DENND6A: variants seen among roughly 807,000 people sequenced by gnomAD.
DENND6A encodes the protein protein DENND6A.
In DENND6A, 43 loss-of-function variants were observed where a neutral mutation model predicts 95.5. The observed-to-expected ratio is 0.45, with a 90% CI of 0.35 to 0.58. The LOEUF is 0.58. DENND6A is among the 20% of genes least tolerant of loss of function. The probability of loss-of-function intolerance (pLI) is 0.00; values close to 1 mark genes in which losing one functional copy is unlikely to be tolerated. For synonymous variants in DENND6A, 257 were observed against 260.4 expected (o/e 0.99, Z 0.13); for missense variants, 574 against 736.0 (o/e 0.78, Z 2.55).
intron 1 of DENND6A, among the ~76,000 whole-genome samples, chr3:57,674,536 C>T (rs1426050717): frequency 6.6e-6 from 1 of 151,742 alleles, no homozygotes; most frequent in Non-Finnish European, 1.5e-5. Flanking sequence ...GAGGCTGAAG[C>T]AGGAGAATTG....
At chr3:57,672,499 T>C in intron 1 of DENND6A, 61 bp from the exon 2 acceptor site, 4 of 1,535,382 alleles carry the variant, frequency 2.6e-6, no homozygotes, top group Non-Finnish European at 3.6e-6. Flanking sequence ...AAACATATTA[T>C]AGGCCAGGCA....
rs756267563 is a variant in DENND6A, at chr3:57,663,670, C to A, written c.479G>T (p.Arg160Leu). ...GTAGCCTCTTTTTAGAGTTTTATCT[C>A]GAACTTGTCGGAAATACACATATCC... ...FYGYVYFRQV[R>L]DKTLKRGYFQ... The change falls in exon 5 of 20, where the codon CGA becomes CTA. Residue 160 changes from arginine (R) to leucine (L), a missense_variant. Transcript: ENST00000311128. 6.3e-7 allele frequency: 1 copy of A among 1,583,132 alleles called. No homozygotes were observed. The highest frequency in any genetic ancestry group is 8.6e-7 in the Non-Finnish European group (1 of 1,163,198).
At chr3:57,676,375 TAAAAA>T (rs35465829) in intron 1 of DENND6A, among the ~76,000 whole-genome samples, 8 of 87,354 alleles carry the variant, frequency 9.2e-5, no homozygotes, top group African/African-American at 3.4e-4. Context: ...TAAGATTATT[TAAAAA>T]AAAAAAAAAA....
At chr3:57,654,362 T>C (rs1415916764) in intron 9 of DENND6A, among the ~76,000 whole-genome samples, 1 of 152,212 alleles carries the variant, frequency 6.6e-6, no homozygotes, top group East Asian at 1.9e-4. Context: ...ATGTGTCAGA[T>C]AGCATCAGAT....
chr3:57,644,978 C>T lies in DENND6A; in HGVS notation c.1037+683G>A, dbSNP rs561911606. ...AACCAGAAAATCAGGAAGTGGAGAT[C>T]GTACATGCAGATTTTTGTTGTTGCT... On this transcript the variant is annotated intron_variant, in intron 11 of 19. Coordinates refer to ENST00000311128, the MANE Select transcript of DENND6A (RefSeq NM_152678.3). Among the ~76,000 whole-genome samples the T allele has an allele frequency of 5.9e-4, 89 of 151,828 alleles. No individual in the cohort carries two copies. In the South Asian group the frequency reaches 9.2e-3, roughly 16 times the overall value.
At chr3:57,684,736 C>G (rs2077197182) in intron 1 of DENND6A, among the ~76,000 whole-genome samples, 2 of 152,108 alleles carry the variant, frequency 1.3e-5, no homozygotes, top group Admixed American at 1.3e-4. Context: ...TGCACTGTAG[C>G]CTGGTGACAC....
intron 1 of DENND6A, among the ~76,000 whole-genome samples, chr3:57,680,219 C>A (rs968904834): frequency 1.4e-4 from 22 of 152,188 alleles, no homozygotes; most frequent in Non-Finnish European, 2.9e-4. Context: ...TACATCTTCA[C>A]AACCTTGAAT....
chr3:57,633,779 ACTTGGAAGGCTGAGACAGAAGAATTG>A (rs1268947489), intron 14 of DENND6A, among the ~76,000 whole-genome samples: 1 of 151,910 alleles, frequency 6.6e-6, no homozygotes, highest in Non-Finnish European at 1.5e-5. Context: ...AATCCCAGCT[ACTTGGAAGGCTGAGACAGAAGAATTG>A]CTTGAACCTG....
chr3:57,659,066 T>C, intron 8 of DENND6A, 52 bp downstream of exon 8: 1 of 1,556,024 alleles, frequency 6.4e-7, no homozygotes, highest in Non-Finnish European at 8.8e-7. Context: ...TTAAAAATTC[T>C]GTTAAAGAGA....
At chr3:57,653,942 T>A (rs1388036832) in intron 9 of DENND6A, among the ~76,000 whole-genome samples, 1 of 68,532 alleles carries the variant, frequency 1.5e-5, no homozygotes. Context: ...AGAAATTCAC[T>A]TTTTTTTTTT....
chr3:57,639,433 G>A (rs954563508), intron 12 of DENND6A, among the ~76,000 whole-genome samples: 1 of 152,152 alleles, frequency 6.6e-6, no homozygotes, highest in Admixed American at 6.5e-5. Flanking sequence ...ATCTAGCAGA[G>A]AGACTTCTTC....
intron 9 of DENND6A, among the ~76,000 whole-genome samples, chr3:57,647,376 A>T (rs1212575912): frequency 6.6e-6 from 1 of 152,160 alleles, no homozygotes; most frequent in Non-Finnish European, 1.5e-5. Flanking sequence ...CCTAAAGCAG[A>T]ACATGGTAGG....
chr3:57,634,928 TAAA>T (rs2153412394), intron 12 of DENND6A, among the ~76,000 whole-genome samples, 159 bp from the exon 13 acceptor site: 1 of 152,278 alleles, frequency 6.6e-6, no homozygotes, highest in African/African-American at 2.4e-5. Context: ...CTTGGTATTT[TAAA>T]ACTGGATAAC....
chr3:57,693,055 GGACCGCGCCGCA>G lies in DENND6A; in HGVS notation c.-49_-38del. The G allele has an allele frequency of 2.9e-6, 4 of 1,356,602 alleles. No homozygotes were observed. Among genetic ancestry groups the G allele is most frequent in the Non-Finnish European group, 3.8e-6 (4 of 1,060,356 alleles). The allele number at this position is 1,356,602 out of a possible 1,614,324, so 84.0% of individuals were successfully genotyped here. Reference sequence around the variant, plus strand: ...TGACCGTTCGCGCCGCCTCCACAGCGGACCGCGCCGCAGAGCGCGCTTGCCTCCGCGCAGGCG... The same window carrying G: ...TGACCGTTCGCGCCGCCTCCACAGCGGAGCGCGCTTGCCTCCGCGCAGGCG... On this transcript the variant is annotated 5_prime_UTR_variant, in exon 1 of 20. Transcript: ENST00000311128.
chr3:57,692,631 C>G (rs1009884325), intron 1 of DENND6A, 151 bp downstream of exon 1: 11 of 681,832 alleles, frequency 1.6e-5, no homozygotes, highest in Non-Finnish European at 2.5e-5. Flanking sequence ...GCCGTAGGAC[C>G]GCAGCCCGAA....
intron 1 of DENND6A, among the ~76,000 whole-genome samples, chr3:57,673,483 A>C (rs1367735906): frequency 6.6e-6 from 1 of 152,204 alleles, no homozygotes; most frequent in African/African-American, 2.4e-5. Context: ...AAATACAATT[A>C]GATAGAAGGA....
At chr3:57,647,693 C>T (rs931645864) in intron 9 of DENND6A, among the ~76,000 whole-genome samples, 12 of 151,908 alleles carry the variant, frequency 7.9e-5, no homozygotes, top group Admixed American at 5.3e-4. Context: ...GGAGAAGTAC[C>T]CTGGAGTAGG....
chr3:57,628,125 C>T lies in DENND6A; in HGVS notation c.*89G>A. On this transcript the variant is annotated 3_prime_UTR_variant, in exon 20 of 20. Coordinates refer to ENST00000311128, the MANE Select transcript of DENND6A (RefSeq NM_152678.3). ...TCATGGCAATTTTCCACTCCGCTGC[C>T]ACTGAGAGATCTCCTTTGTGCGTCT... 6.5e-7 allele frequency: 1 copy of T among 1,528,044 alleles called. No homozygotes were observed. Among genetic ancestry groups the T allele is most frequent in the Admixed American group, 2.0e-5 (1 of 49,330 alleles). The allele number at this position is 1,528,044 out of a possible 1,614,324, so 94.7% of individuals were successfully genotyped here.
intron 9 of DENND6A, among the ~76,000 whole-genome samples, chr3:57,648,448 G>T (rs950992106): frequency 6.6e-6 from 1 of 151,980 alleles, no homozygotes; most frequent in African/African-American, 2.4e-5. Flanking sequence ...CAAATTCAAC[G>T]CAATTCCCAT....
Sources: allele counts gnomAD v4.1 joint callset (sites outside exome capture counted in the v4.1 genomes callset), GRCh38; gene constraint gnomAD v4.1.1; transcripts MANE v1.5; gene names NCBI Gene and HGNC (gene_info 2026-07-23, HGNC 2026-07-21).